The following FARS2 variants were observed in gnomAD, a reference collection of about 807,000 sequenced individuals.
FARS2 encodes phenylalanyl-tRNA synthetase 2, mitochondrial, also known as phenylalanine--tRNA ligase, mitochondrial.
In FARS2, 40 loss-of-function variants were observed where a neutral mutation model predicts 46.4. The ratio of observed to expected loss-of-function variants is 0.86; its 90% CI spans 0.67 to 1.12. The LOEUF (loss-of-function observed/expected upper bound fraction) is 1.12, where lower values mean the gene tolerates loss of function less well. FARS2 is among the 50% of genes most tolerant of loss of function. FARS2 has a pLI of 0.00. For missense variants in FARS2, 513 were observed against 567.9 expected (o/e 0.90, Z 0.98); for synonymous variants, 234 against 214.9 (o/e 1.09, Z -0.78).
intron 1 of FARS2, among the ~76,000 whole-genome samples, chr6:5,349,634 T>C (rs1757447655): frequency 6.6e-6 from 1 of 152,206 alleles, no homozygotes; most frequent in African/African-American, 2.4e-5. Flanking sequence ...GGAACCACTA[T>C]TGTTACATTA....
rs112199667 is a variant in FARS2, at chr6:5,676,357, A to G, written c.1217+63037A>G. On this transcript the variant is annotated intron_variant, in intron 6 of 6. Transcript: ENST00000274680. ...TTGGATTTTGTATTCGTTAAATACAAACAGTACACATATTAGACTGGATAC... is the reference window on the plus strand; with the variant it reads ...TTGGATTTTGTATTCGTTAAATACAGACAGTACACATATTAGACTGGATAC... 1.9e-3 allele frequency among the ~76,000 whole-genome samples: 283 copies of G among 152,354 alleles called. 1 individual carries two copies. Among genetic ancestry groups the G allele is most frequent in the African/African-American group, 6.7e-3 (280 of 41,586 alleles).
At chr6:5,659,925 C>A (rs955260515) in intron 6 of FARS2, among the ~76,000 whole-genome samples, 4 of 152,204 alleles carry the variant, frequency 2.6e-5, no homozygotes, top group African/African-American at 9.6e-5. Flanking sequence ...TTCTTTGGGG[C>A]ATTTACATTT....
chr6:5,282,022 A>G (rs1288712959), intron 1 of FARS2, among the ~76,000 whole-genome samples: 2 of 152,232 alleles, frequency 1.3e-5, no homozygotes, highest in Non-Finnish European at 2.9e-5. Context: ...GAAGGCAAAA[A>G]GAATCAGTAA....
chr6:5,362,824 T>A (rs571210444), intron 1 of FARS2, among the ~76,000 whole-genome samples: 1 of 152,274 alleles, frequency 6.6e-6, no homozygotes, highest in Non-Finnish European at 1.5e-5. Flanking sequence ...ATTTCTCTGA[T>A]GACTAGTGAT....
At chr6:5,470,131 T>C (rs1162366790) in intron 4 of FARS2, among the ~76,000 whole-genome samples, 1 of 152,228 alleles carries the variant, frequency 6.6e-6, no homozygotes, top group African/African-American at 2.4e-5. Context: ...TAATTTTTGA[T>C]AAAGAAGCAG....
At chr6:5,770,303 G>A (rs1234983746) in intron 6 of FARS2, among the ~76,000 whole-genome samples, 1 of 152,208 alleles carries the variant, frequency 6.6e-6, no homozygotes, top group East Asian at 1.9e-4. Flanking sequence ...GCTAAGGGCT[G>A]GTTGACGGCA....
Position 5,468,721 on chromosome 6 carries a change from G to A in FARS2, c.904+37549G>A, listed in dbSNP as rs1411602422. 4.6e-5 allele frequency among the ~76,000 whole-genome samples: 7 copies of A among 152,086 alleles called. No individual in the cohort carries two copies. The East Asian group carries it at 1.2e-3, about 25-fold the overall frequency. The stretch of plus-strand genomic sequence containing the variant: ...CCATTTTGTTTTCTAACAATTAGCC[G>A]GTTATTCATACTTTCACAAGAATGC... On this transcript the variant is annotated intron_variant, in intron 4 of 6. Coordinates refer to ENST00000274680, the MANE Select transcript of FARS2 (RefSeq NM_006567.5).
At chr6:5,304,170 C>T (rs949262289) in intron 1 of FARS2, among the ~76,000 whole-genome samples, 6 of 152,138 alleles carry the variant, frequency 3.9e-5, no homozygotes, top group Admixed American at 2.6e-4. Flanking sequence ...CCACATTTAC[C>T]ACCCTAAAAC....
chr6:5,686,340 T>TC lies in FARS2; in HGVS notation c.1217+73021dup, dbSNP rs879638735. 3.3e-3 allele frequency among the ~76,000 whole-genome samples: 490 copies of TC among 148,440 alleles called. 10 individuals are homozygous for TC. Among genetic ancestry groups the TC allele is most frequent in the South Asian group, 0.028 (133 of 4,728 alleles). ...TAACATTAGGTATATCTCCTAATGCTCTCCCCCCCCGCTGCCCACACCACG... is the reference window on the plus strand; with the variant it reads ...TAACATTAGGTATATCTCCTAATGCTCCTCCCCCCCCGCTGCCCACACCACG... On this transcript the variant is annotated intron_variant, in intron 6 of 6. Coordinates refer to ENST00000274680, the MANE Select transcript of FARS2 (RefSeq NM_006567.5).
At chr6:5,719,396 T>TAAAAAAAAA (rs55695285) in intron 6 of FARS2, among the ~76,000 whole-genome samples, 8 of 123,046 alleles carry the variant, frequency 6.5e-5, no homozygotes, top group South Asian at 2.7e-4. Flanking sequence ...CAAAAAAAAT[T>TAAAAAAAAA]AAAAAAAAAA....
At chr6:5,729,991 A>G (rs1342525757) in intron 6 of FARS2, among the ~76,000 whole-genome samples, 2 of 152,218 alleles carry the variant, frequency 1.3e-5, no homozygotes, top group African/African-American at 4.8e-5. Context: ...GACAACCACA[A>G]ATATCTTCAG....
intron 6 of FARS2, among the ~76,000 whole-genome samples, chr6:5,729,864 C>G (rs1448523438): frequency 6.6e-6 from 1 of 152,220 alleles, no homozygotes; most frequent in Admixed American, 6.5e-5. Flanking sequence ...ACTCTATGGA[C>G]ATTTTGAACC....
At chr6:5,492,928 C>T (rs892646772) in intron 4 of FARS2, among the ~76,000 whole-genome samples, 28 of 152,372 alleles carry the variant, frequency 1.8e-4, no homozygotes, top group Admixed American at 1.5e-3. Flanking sequence ...CATGCCCTTG[C>T]GGGCTGGAGC....
chr6:5,650,996 CTT>C (rs1777332362), intron 6 of FARS2, among the ~76,000 whole-genome samples: 1 of 152,190 alleles, frequency 6.6e-6, no homozygotes, highest in Admixed American at 6.5e-5. Flanking sequence ...GGTTAATAGA[CTT>C]TTGATTAAAG....
chr6:5,411,543 CTT>C (rs1761942965), intron 3 of FARS2, among the ~76,000 whole-genome samples: 1 of 152,146 alleles, frequency 6.6e-6, no homozygotes, highest in African/African-American at 2.4e-5. Flanking sequence ...TTGAGCAACT[CTT>C]TTTATATTTG....
intron 4 of FARS2, among the ~76,000 whole-genome samples, chr6:5,539,473 C>T (rs1212022498): frequency 2.0e-5 from 3 of 150,526 alleles, no homozygotes; most frequent in South Asian, 4.2e-4. Flanking sequence ...ACCTCGTGAT[C>T]TGCCCGCCTT....
intron 6 of FARS2, among the ~76,000 whole-genome samples, chr6:5,729,670 G>A (rs57877123): frequency 0.022 from 3,286 of 152,096 alleles, 104 homozygotes; most frequent in African/African-American, 0.072. Context: ...TTCAAGGATG[G>A]ACGTGTAGGT....
upstream of FARS2, among the ~76,000 whole-genome samples, chr6:5,260,380 T>C (rs1764965404): frequency 6.6e-6 from 1 of 152,224 alleles, no homozygotes; most frequent in Non-Finnish European, 1.5e-5. Flanking sequence ...ATCATGCTCC[T>C]AGAATAACTA....
At chr6:5,401,127 T>C (rs1055599350) in intron 2 of FARS2, among the ~76,000 whole-genome samples, 2 of 152,074 alleles carry the variant, frequency 1.3e-5, no homozygotes, top group Admixed American at 6.5e-5. Flanking sequence ...ATTAAGCCTG[T>C]TCATATTTAT....
Sources: allele counts gnomAD v4.1 joint callset (sites outside exome capture counted in the v4.1 genomes callset), GRCh38; gene constraint gnomAD v4.1.1; transcripts MANE v1.5; gene names NCBI Gene and HGNC (gene_info 2026-07-23, HGNC 2026-07-21).